Variants in ME3 observed in about 807,000 individuals in gnomAD.
The protein encoded by ME3 is malic enzyme 3, also known as NADP-dependent malic enzyme, mitochondrial.
ME3 carries 48 observed loss-of-function variants against 68.9 expected under a neutral mutation model. The ratio of observed to expected loss-of-function variants is 0.70; its 90% CI spans 0.55 to 0.89. The LOEUF is 0.89. Among genes scored for constraint, ME3 ranks in the 40% least tolerant of loss-of-function variants. The pLI is 0.00. For synonymous variants in ME3, 320 were observed against 318.8 expected (o/e 1.00, Z -0.04); for missense variants, 675 against 797.4 (o/e 0.85, Z 1.85).
intron 2 of ME3, among the ~76,000 whole-genome samples, chr11:86,561,054 C>T (rs1957207064): frequency 6.6e-6 from 1 of 151,980 alleles, no homozygotes; most frequent in South Asian, 2.1e-4. Context: ...GTGATTATCA[C>T]TGTTGATACG....
intron 4 of ME3, among the ~76,000 whole-genome samples, chr11:86,526,689 C>G (rs1157587139): frequency 4.6e-5 from 7 of 152,210 alleles, no homozygotes; most frequent in African/African-American, 1.7e-4. Flanking sequence ...AACGATCAGG[C>G]AGCAACATTT....
chr11:86,659,045 A>G (rs1946105971), intron 2 of ME3, among the ~76,000 whole-genome samples: 1 of 152,170 alleles, frequency 6.6e-6, no homozygotes, highest in Non-Finnish European at 1.5e-5. Context: ...GTATGACATG[A>G]AGGCTAAGCT....
intron 2 of ME3, among the ~76,000 whole-genome samples, chr11:86,642,990 A>G (rs72957441): frequency 0.077 from 10,983 of 142,472 alleles, 473 homozygotes; most frequent in East Asian, 0.21. Flanking sequence ...TAAGGTTTCT[A>G]TTAGTTTTTT....
At chr11:86,508,888 A>G (rs1167610005) in intron 4 of ME3, 21 bp from the exon 5 acceptor site, 2 of 1,587,940 alleles carry the variant, frequency 1.3e-6, no homozygotes, top group Non-Finnish European at 1.7e-6. Flanking sequence ...TAAAACACGT[A>G]CACACAGAGA....
In ME3 at chr11:86,450,154, G is replaced by C. The variant is rs1007373483; in HGVS notation, c.1017+147C>G. 7 of 974,912 alleles carry C rather than the reference G, an allele frequency of 7.2e-6. No individual in the cohort carries two copies. The South Asian group carries it at 1.1e-4, about 15-fold the overall frequency. 60.4% of individuals were successfully genotyped at this position (974,912 alleles called of 1,614,324 possible). On this transcript the variant is annotated intron_variant, in intron 9 of 14. Transcript: ENST00000543262. ...AGTCCTTGCCTTGAGACACCCAATT[G>C]TCAGAGCCTAGGCAGCTGCAATGAT...
intron 2 of ME3, among the ~76,000 whole-genome samples, chr11:86,568,094 T>C (rs1222907865): frequency 2.6e-5 from 4 of 152,322 alleles, no homozygotes; most frequent in Middle Eastern, 3.4e-3. Flanking sequence ...ATTATCTGGT[T>C]TTAACAAAAC....
At chr11:86,487,547 A>AGG in intron 6 of ME3, 107 bp from the exon 7 acceptor site, 1 of 849,548 alleles carries the variant, frequency 1.2e-6, no homozygotes, top group Non-Finnish European at 1.9e-6. Flanking sequence ...GTGGGAGGAG[A>AGG]GGGGGGAGTA....
chr11:86,586,543 C>T (rs1482590349), intron 2 of ME3, among the ~76,000 whole-genome samples: 1 of 152,116 alleles, frequency 6.6e-6, no homozygotes, highest in Non-Finnish European at 1.5e-5. Context: ...GCTGAAGTCA[C>T]CCAGGGTTAT....
intron 2 of ME3, among the ~76,000 whole-genome samples, chr11:86,569,997 C>T (rs570584874): frequency 6.6e-6 from 1 of 152,290 alleles, no homozygotes; most frequent in African/African-American, 2.4e-5. Context: ...TCTTAGACTT[C>T]AGCTACTGTT....
Position 86,599,000 on chromosome 11 carries a change from A to G in ME3, c.184-39177T>C, listed in dbSNP as rs1422094982. Among the ~76,000 whole-genome samples, 4 of 152,250 alleles carry G rather than the reference A, an allele frequency of 2.6e-5. No homozygotes were observed. In the South Asian group the frequency reaches 6.2e-4, roughly 24 times the overall value. On this transcript the variant is annotated intron_variant, in intron 2 of 14. Coordinates refer to ENST00000543262, the Ensembl canonical transcript of ME3. ...AGTAGATAAAACCACAAAGATGGGG[A>G]AAAAACAGAGCAGAAAAACTGGAAA...
At chr11:86,593,689 T>A (rs531306905) in intron 2 of ME3, among the ~76,000 whole-genome samples, 2 of 146,904 alleles carry the variant, frequency 1.4e-5, no homozygotes, top group African/African-American at 5.0e-5. Flanking sequence ...ATTTTCTTCC[T>A]ATCTTTTTTC....
chr11:86,657,818 A>G (rs1946006128), intron 2 of ME3, among the ~76,000 whole-genome samples: 2 of 152,212 alleles, frequency 1.3e-5, no homozygotes, highest in Non-Finnish European at 2.9e-5. Context: ...AATAAGAAGA[A>G]TCATAGCTGG....
At chr11:86,593,269 C>T (rs946556846) in intron 2 of ME3, among the ~76,000 whole-genome samples, 1 of 118,520 alleles carries the variant, frequency 8.4e-6, no homozygotes, top group Admixed American at 1.1e-4. Context: ...ACTGTAGGCT[C>T]CCCCTCCAGG....
intron 4 of ME3, among the ~76,000 whole-genome samples, chr11:86,553,432 T>G (rs1311902331): frequency 6.6e-6 from 1 of 152,186 alleles, no homozygotes; most frequent in African/African-American, 2.4e-5. Flanking sequence ...CTTCAGATGC[T>G]AATCCACAAA....
intron 4 of ME3, among the ~76,000 whole-genome samples, chr11:86,522,530 C>T (rs1010790094): frequency 1.3e-5 from 2 of 151,916 alleles, no homozygotes; most frequent in Non-Finnish European, 2.9e-5. Context: ...TACCCCGCCC[C>T]CTCCTTGACC....
chr11:86,651,194 C>T (rs648258), intron 2 of ME3, among the ~76,000 whole-genome samples: 38,436 of 152,154 alleles, frequency 0.25, 5,032 homozygotes, highest in African/African-American at 0.32. Context: ...CAAAAGGCAG[C>T]AGAAACCTCT....
At chr11:86,645,185 G>A (rs1463875097) in intron 2 of ME3, among the ~76,000 whole-genome samples, 1 of 152,138 alleles carries the variant, frequency 6.6e-6, no homozygotes. Context: ...TTGTAACCTA[G>A]TGGCAGCTGG....
chr11:86,446,196 G>GA (rs1429322527), intron 13 of ME3, 118 bp downstream of exon 13: 7 of 1,215,536 alleles, frequency 5.8e-6, no homozygotes, highest in Non-Finnish European at 8.1e-6. Context: ...AGCACTTTGG[G>GA]AATCCACTGG....
At chr11:86,597,429 C>A (rs1446715892) in intron 2 of ME3, among the ~76,000 whole-genome samples, 1 of 152,158 alleles carries the variant, frequency 6.6e-6, no homozygotes, top group South Asian at 2.1e-4. Flanking sequence ...GGTCAAAGGA[C>A]TTTTAGAGGA....
Sources: allele counts gnomAD v4.1 joint callset (sites outside exome capture counted in the v4.1 genomes callset), GRCh38; gene constraint gnomAD v4.1.1; transcripts MANE v1.5; gene names NCBI Gene and HGNC (gene_info 2026-07-23, HGNC 2026-07-21).